Variants in PDLIM5 observed in about 807,000 individuals in gnomAD.
The protein encoded by PDLIM5 is PDZ and LIM domain protein 5.
PDLIM5 carries 34 observed loss-of-function variants against 64.2 expected under a neutral mutation model. That is an observed-to-expected ratio of 0.53 (90% CI 0.40 to 0.71). The LOEUF (loss-of-function observed/expected upper bound fraction) is 0.71, where lower values mean the gene tolerates loss of function less well. Among genes scored for constraint, PDLIM5 ranks in the 30% least tolerant of loss-of-function variants. The pLI, the probability that PDLIM5 is intolerant of heterozygous loss-of-function variation, is 0.00. For missense variants in PDLIM5, 683 were observed against 733.6 expected, an observed-to-expected ratio of 0.93 and a Z score of 0.80; for synonymous variants, 253 against 269.1, an observed-to-expected ratio of 0.94 and a Z score of 0.59.
intron 2 of PDLIM5, among the ~76,000 whole-genome samples, chr4:94,469,006 G>A (rs17378658): frequency 0.14 from 20,887 of 152,232 alleles, 1,945 homozygotes; most frequent in Non-Finnish European, 0.21. Flanking sequence ...GAAAGGAAAA[G>A]ATGAGCGTTG....
chr4:94,617,779 T>C (rs551237341), intron 7 of PDLIM5, among the ~76,000 whole-genome samples: 2 of 152,250 alleles, frequency 1.3e-5, no homozygotes, highest in South Asian at 4.1e-4. Flanking sequence ...GGTAGACCTT[T>C]TAGAAAGAAT....
chr4:94,576,780 T>C (rs1386944884), intron 5 of PDLIM5, among the ~76,000 whole-genome samples: 2 of 152,232 alleles, frequency 1.3e-5, no homozygotes, highest in Non-Finnish European at 2.9e-5. Flanking sequence ...GGGTATCTTT[T>C]TATTAAAAAA....
chr4:94,559,624 G>A (rs1407395444), intron 3 of PDLIM5, among the ~76,000 whole-genome samples: 1 of 152,178 alleles, frequency 6.6e-6, no homozygotes, highest in African/African-American at 2.4e-5. Context: ...CAAACTCTTA[G>A]ATGTTGTGCA....
At chr4:94,548,827 C>G (rs1732543868) in intron 3 of PDLIM5, among the ~76,000 whole-genome samples, 1 of 152,142 alleles carries the variant, frequency 6.6e-6, no homozygotes, top group Admixed American at 6.5e-5. Context: ...GATTTGATGT[C>G]CCGTGGCTGG....
intron 7 of PDLIM5, among the ~76,000 whole-genome samples, chr4:94,594,699 T>C (rs1370357696): frequency 1.3e-5 from 2 of 152,138 alleles, no homozygotes; most frequent in Admixed American, 6.6e-5. Context: ...AATTTTCTAC[T>C]ATATTATAAT....
At chr4:94,494,141 A>AT (rs1010466324) in intron 2 of PDLIM5, among the ~76,000 whole-genome samples, 2 of 151,332 alleles carry the variant, frequency 1.3e-5, no homozygotes, top group African/African-American at 4.9e-5. Flanking sequence ...TGTTTTTGTT[A>AT]TTTTTTTGTG....
intron 3 of PDLIM5, among the ~76,000 whole-genome samples, chr4:94,564,113 G>A (rs779545974): frequency 1.7e-4 from 26 of 151,588 alleles, no homozygotes; most frequent in Non-Finnish European, 3.2e-4. Flanking sequence ...ACAGGCGTGC[G>A]CCACCACACC....
At chr4:94,567,251 C>A (rs1734424362) in intron 3 of PDLIM5, among the ~76,000 whole-genome samples, 1 of 152,118 alleles carries the variant, frequency 6.6e-6, no homozygotes, top group South Asian at 2.1e-4. Flanking sequence ...CCTTGGCCTC[C>A]CAACTGTATT....
At chr4:94,488,898 G>A (rs1253704317) in intron 2 of PDLIM5, 3 of 152,214 alleles carry the variant, frequency 2.0e-5, no homozygotes, top group African/African-American at 4.8e-5. Context: ...TGCCTTACAG[G>A]CAATTATTTC....
chr4:94,625,243 A>T (rs1739569862), intron 8 of PDLIM5, among the ~76,000 whole-genome samples: 1 of 152,088 alleles, frequency 6.6e-6, no homozygotes, highest in Admixed American at 6.5e-5. Context: ...TGCTACCTTC[A>T]TACTTTCTTT....
chr4:94,482,116 C>T (rs1263538838), intron 2 of PDLIM5, among the ~76,000 whole-genome samples: 1 of 149,870 alleles, frequency 6.7e-6, no homozygotes, highest in East Asian at 2.1e-4. Flanking sequence ...ATTTTACCTC[C>T]CTTTTTTTTT....
In PDLIM5 at chr4:94,573,296, C is replaced by T. The variant is rs1734958720; in HGVS notation, c.249-55C>T. The T allele has an allele frequency of 5.7e-6, 8 of 1,391,684 alleles. No homozygotes were observed. In the South Asian group the frequency reaches 9.7e-5, roughly 17 times the overall value. 86.2% of individuals were successfully genotyped at this position (1,391,684 alleles called of 1,614,324 possible). A position where few individuals can be genotyped will look rare whatever the true frequency, so the allele number is the denominator to read the frequency against. ...AGTAAAAATTCCATTAAGAAGTCTGCAAGTTTATAAAAATTCATTATTTTT... is the reference window on the plus strand; with the variant it reads ...AGTAAAAATTCCATTAAGAAGTCTGTAAGTTTATAAAAATTCATTATTTTT... On this transcript the variant is annotated intron_variant, in intron 3 of 12. Transcript: ENST00000317968.
chr4:94,487,692 G>A (rs187662396), intron 2 of PDLIM5, among the ~76,000 whole-genome samples: 1 of 152,330 alleles, frequency 6.6e-6, no homozygotes, highest in East Asian at 1.9e-4. Context: ...TGTTACAAGT[G>A]TTCAGGAATT....
intron 8 of PDLIM5, among the ~76,000 whole-genome samples, chr4:94,622,922 G>A (rs570742051): frequency 1.3e-5 from 2 of 152,038 alleles, no homozygotes; most frequent in East Asian, 3.9e-4. Flanking sequence ...ACCCACCCCG[G>A]CCTCCCAAAG....
intron 3 of PDLIM5, among the ~76,000 whole-genome samples, chr4:94,564,449 A>G (rs1365632127): frequency 6.6e-6 from 1 of 151,936 alleles, no homozygotes; most frequent in Non-Finnish European, 1.5e-5. Flanking sequence ...TGCTATTTGG[A>G]CTGCCAGGAA....
intron 3 of PDLIM5, among the ~76,000 whole-genome samples, chr4:94,556,755 T>G (rs1411222935): frequency 2.0e-5 from 3 of 152,210 alleles, no homozygotes; most frequent in Non-Finnish European, 4.4e-5. Flanking sequence ...TGGGGTTGTT[T>G]GTTTTTTTCT....
At chr4:94,612,488 T>A (rs1738450606) in intron 7 of PDLIM5, among the ~76,000 whole-genome samples, 1 of 152,144 alleles carries the variant, frequency 6.6e-6, no homozygotes, top group African/African-American at 2.4e-5. Flanking sequence ...TAGACCACAC[T>A]TTTAGGACCC....
intron 3 of PDLIM5, among the ~76,000 whole-genome samples, chr4:94,542,343 G>A (rs1368106996): frequency 7.2e-6 from 1 of 138,358 alleles, no homozygotes; most frequent in African/African-American, 3.0e-5. Context: ...AAGTAAGTAA[G>A]TAAGTAAGTG....
chr4:94,559,443 A>G (rs1445614057), intron 3 of PDLIM5, among the ~76,000 whole-genome samples: 1 of 152,228 alleles, frequency 6.6e-6, no homozygotes, highest in Non-Finnish European at 1.5e-5. Flanking sequence ...CAGAGATTCA[A>G]CAAGAAGAGC....
Sources: gnomAD v4.1 joint callset for allele counts (sites outside exome capture counted in the v4.1 genomes callset) on GRCh38, gnomAD v4.1.1 for gene constraint, MANE v1.5 for transcripts, NCBI Gene and HGNC (gene_info 2026-07-23, HGNC 2026-07-21) for gene names.